The following DNASE1 variants were observed in gnomAD, a reference collection of about 807,000 sequenced individuals.
DNASE1 encodes deoxyribonuclease-1.
A neutral mutation model predicts 33.9 loss-of-function variants in DNASE1; 40 were observed. That is an observed-to-expected ratio of 1.18 (90% CI 0.92 to 1.54). The LOEUF (loss-of-function observed/expected upper bound fraction) is 1.54. Among genes scored for constraint, DNASE1 ranks in the 40% most tolerant of loss-of-function variants. The pLI, the probability that DNASE1 is intolerant of heterozygous loss-of-function variation, is 0.00. For synonymous variants in DNASE1, 216 were observed against 160.0 expected, an observed-to-expected ratio of 1.35 and a Z score of -2.64; for missense variants, 518 against 372.6, an observed-to-expected ratio of 1.39 and a Z score of -3.21.
At chr16:3,612,549 C>CTTT (rs35085629) in intron 1 of DNASE1, among the ~76,000 whole-genome samples, 4 of 62,968 alleles carry the variant, frequency 6.4e-5, no homozygotes, top group East Asian at 4.6e-4. Context: ...CCGCTCACGG[C>CTTT]TTTTTTTTTT....
rs1194417109 is a variant in DNASE1, at chr16:3,658,030, C to G, written c.*77C>G. On this transcript the variant is annotated 3_prime_UTR_variant, in exon 9 of 9. Coordinates refer to ENST00000246949, the MANE Select transcript of DNASE1 (RefSeq NM_005223.4). ...CACAGGACCCAGAAAAAAAGCCCAA[C>G]ACACACTCGGGTTAAGAAATACCTT... The G allele has an allele frequency of 6.2e-7, 1 of 1,609,756 alleles. No homozygotes were observed. Among genetic ancestry groups the G allele is most frequent in the Middle Eastern group, 1.7e-4 (1 of 6,048 alleles).
At chr16:3,640,057 C>A (rs1431667748), upstream of DNASE1, among the ~76,000 whole-genome samples, 1 of 152,210 alleles carries the variant, frequency 6.6e-6, no homozygotes, top group Non-Finnish European at 1.5e-5. Flanking sequence ...CTGCAGTTGA[C>A]TTAGCTCTAT....
chr16:3,655,707 GGCA>G, intron 2 of DNASE1, 139 bp from the exon 3 acceptor site: 1 of 1,373,440 alleles, frequency 7.3e-7, no homozygotes, highest in Non-Finnish European at 1.0e-6. Flanking sequence ...GTCCCTGGCT[GGCA>G]GCAGGAGCCC....
At chr16:3,652,232 C>G (rs1490108758), upstream of DNASE1, 1 of 152,326 alleles carries the variant, frequency 6.6e-6, no homozygotes, top group South Asian at 2.1e-4. Flanking sequence ...AGAGGGGAAC[C>G]CTCGTCCCAC....
intron 1 of DNASE1, among the ~76,000 whole-genome samples, chr16:3,631,490 C>G (rs1022608119): frequency 2.6e-5 from 4 of 151,568 alleles, no homozygotes; most frequent in Admixed American, 1.3e-4. Context: ...CAGGTGTGAG[C>G]CACTGTGCCC....
chr16:3,655,466 G>C lies in DNASE1; in HGVS notation c.93G>C (p.Gln31His), dbSNP rs766430443. 6.2e-7 allele frequency: 1 copy of C among 1,614,168 alleles called. No individual in the cohort carries two copies. Among genetic ancestry groups the C allele is most frequent in the East Asian group, 2.2e-5 (1 of 44,884 alleles). ...TGAAGATCGCAGCCTTCAACATCCA[G>C]ACATTTGGGGAGACCAAGATGTCCA... ...VSLKIAAFNI[Q>H]TFGETKMSNA... Residue 31 changes from glutamine (Q) to histidine (H), a missense_variant, in exon 2 of 9, where the codon CAG (glutamine) becomes CAC (histidine). By Grantham distance (24) the Gln-to-His change is conservative. Transcript: ENST00000246949.
exon 10 of DNASE1, chr16:3,664,017 C>T (rs921208369): frequency 9.6e-6 from 4 of 415,460 alleles, no homozygotes; most frequent in African/African-American, 2.1e-5. Flanking sequence ...GAGCCGAGAT[C>T]GCACCACTGC....
At chr16:3,630,151 GTGTT>G (rs958005763) in intron 1 of DNASE1, among the ~76,000 whole-genome samples, 22 of 151,902 alleles carry the variant, frequency 1.4e-4, no homozygotes, top group African/African-American at 4.8e-4. Flanking sequence ...GTGTGTGTGT[GTGTT>G]TGTTGTTGTT....
downstream of DNASE1, chr16:3,658,990 G>C (rs2042899385): frequency 1.1e-6 from 1 of 923,070 alleles, no homozygotes; most frequent in Non-Finnish European, 1.7e-6. Flanking sequence ...TTTTAAATAA[G>C]GTATGTTAAT....
intron 1 of DNASE1, among the ~76,000 whole-genome samples, chr16:3,647,606 C>T (rs1203099987): frequency 6.6e-6 from 1 of 152,122 alleles, no homozygotes; most frequent in African/African-American, 2.4e-5. Context: ...ACTAGTATTA[C>T]ACATCTTCGT....
intron 1 of DNASE1, among the ~76,000 whole-genome samples, chr16:3,645,634 C>T (rs558895967): frequency 3.9e-5 from 6 of 152,300 alleles, no homozygotes; most frequent in South Asian, 2.1e-4. Flanking sequence ...GCCCACACCT[C>T]GTGGAAGGCA....
At chr16:3,615,009 T>A (rs1351630116) in intron 1 of DNASE1, among the ~76,000 whole-genome samples, 2 of 152,186 alleles carry the variant, frequency 1.3e-5, no homozygotes, top group Non-Finnish European at 2.9e-5. Flanking sequence ...AGTTGAAGTG[T>A]GGTTTAGAAA....
chr16:3,617,187 G>A (rs564586203), intron 1 of DNASE1, among the ~76,000 whole-genome samples: 62 of 151,792 alleles, frequency 4.1e-4, no homozygotes, highest in African/African-American at 1.3e-3. Flanking sequence ...TTAGCAGGGC[G>A]TGGTGGTGTG....
At chr16:3,631,460 C>T (rs1437195215) in intron 1 of DNASE1, among the ~76,000 whole-genome samples, 1 of 152,110 alleles carries the variant, frequency 6.6e-6, no homozygotes, top group Non-Finnish European at 1.5e-5. Flanking sequence ...CTGCCTCGGC[C>T]TCCCAAAGTG....
intron 1 of DNASE1, among the ~76,000 whole-genome samples, chr16:3,615,658 G>A (rs1423006140): frequency 2.0e-5 from 3 of 152,178 alleles, no homozygotes. Flanking sequence ...AAGAGAAAAT[G>A]GATGCAGAAG....
At chr16:3,653,951 A>T (rs903678306), upstream of DNASE1, 10 of 155,254 alleles carry the variant, frequency 6.4e-5, no homozygotes, top group African/African-American at 2.4e-4. Context: ...TCTACCAAAA[A>T]AATTTAAAAA....
upstream of DNASE1, chr16:3,653,612 G>A (rs1396660120): frequency 6.6e-6 from 1 of 152,024 alleles, no homozygotes; most frequent in Non-Finnish European, 1.5e-5. Flanking sequence ...TTTGAGACCA[G>A]TGTGACCAAC....
downstream of DNASE1, chr16:3,661,190 G>GT (rs978600176): frequency 6.6e-6 from 1 of 152,148 alleles, no homozygotes; most frequent in African/African-American, 2.4e-5. Context: ...TACAGAGAAT[G>GT]TAAGGTACCA....
rs1032962566 is a variant in DNASE1, at chr16:3,646,704, A to G, written c.-86+3668A>G. Among the ~76,000 whole-genome samples the G allele has an allele frequency of 3.3e-5, 5 of 152,202 alleles. No homozygotes were observed. In the East Asian group the frequency reaches 9.7e-4, roughly 29 times the overall value. ...GGGGAATAAAGAGATCTAATTACACATTTGCGAGATGTTCTGAGAGCTGTG... is the reference window on the plus strand; with the variant it reads ...GGGGAATAAAGAGATCTAATTACACGTTTGCGAGATGTTCTGAGAGCTGTG... On this transcript the variant is annotated intron_variant, in intron 1 of 9. Transcript: ENST00000407479.
Sources: gnomAD v4.1 joint callset for allele counts (sites outside exome capture counted in the v4.1 genomes callset) on GRCh38, gnomAD v4.1.1 for gene constraint, MANE v1.5 for transcripts, NCBI Gene and HGNC (gene_info 2026-07-23, HGNC 2026-07-21) for gene names.